The following DMBT1 variants were observed in gnomAD, a reference collection of about 807,000 sequenced individuals.
The protein encoded by DMBT1 is deleted in malignant brain tumors 1.
DMBT1 carries 198 observed loss-of-function variants against 252.9 expected under a neutral mutation model. The ratio of observed to expected loss-of-function variants is 0.78; its 90% CI spans 0.70 to 0.88. The LOEUF (loss-of-function observed/expected upper bound fraction) is 0.88, where lower values mean the gene tolerates loss of function less well. Among genes scored for constraint, DMBT1 ranks in the 40% least tolerant of loss-of-function variants. DMBT1 has a pLI of 0.00. For synonymous variants in DMBT1, 990 were observed against 942.7 expected (o/e 1.05, Z -0.92); for missense variants, 2,432 against 2,404.7 (o/e 1.01, Z -0.24).
At chr10:122,634,456 C>T (rs200204926) in intron 52 of DMBT1, among the ~76,000 whole-genome samples, 44 of 101,706 alleles carry the variant, frequency 4.3e-4, no homozygotes, top group South Asian at 2.9e-3. Flanking sequence ...CTCTCTCTCT[C>T]TCTCTCTCTC....
In DMBT1 at chr10:122,599,111, A is replaced by G; in HGVS notation, c.3280+14A>G. The G allele has an allele frequency of 6.2e-7, 1 of 1,613,838 alleles. No homozygotes were observed. ...TCATCTGCTCAGGTGGGCCTTCAAG[A>G]ACTTGGGATCACTCTCTTGGGGTGG... On this transcript the variant is annotated intron_variant, in intron 26 of 55. Coordinates refer to ENST00000338354, the MANE Select transcript of DMBT1 (RefSeq NM_001377530.1).
intron 51 of DMBT1, 54 bp downstream of exon 51, chr10:122,632,944 T>G: frequency 1.9e-6 from 3 of 1,609,798 alleles, no homozygotes; most frequent in Non-Finnish European, 1.7e-6. Flanking sequence ...GAAATTCCCC[T>G]TCCCATTTCC....
chr10:122,589,809 GA>G (rs1462361142), intron 17 of DMBT1, among the ~76,000 whole-genome samples: 1 of 148,474 alleles, frequency 6.7e-6, no homozygotes, highest in African/African-American at 2.4e-5. Flanking sequence ...GAAACTAAGA[GA>G]AGAACTCACC....
In DMBT1 at chr10:122,621,717, C is replaced by G. The variant is rs574611054; in HGVS notation, c.5608+337C>G. ...GAGGGTATGGTGGACACAGCACAGA[C>G]AGCGGGGCAGAGGAGGGATCCTCTC... is the stretch of plus-strand genomic sequence containing the variant. On this transcript the variant is annotated intron_variant, in intron 44 of 55. Transcript: ENST00000338354. Among the ~76,000 whole-genome samples the G allele has an allele frequency of 3.3e-5, 5 of 152,280 alleles. No individual in the cohort carries two copies. In the East Asian group the frequency reaches 7.7e-4, roughly 24 times the overall value.
Position 122,577,919 on chromosome 10 carries a change from C to G in DMBT1, c.637+79C>G, listed in dbSNP as rs2097727449. Reference sequence around the variant, plus strand: ...CCCTTCCCTACTCCACAGAGCCCTCCTGCTTCTCTGCAGATACTCTGGGGC... The same window carrying G: ...CCCTTCCCTACTCCACAGAGCCCTCGTGCTTCTCTGCAGATACTCTGGGGC... On this transcript the variant is annotated intron_variant, in intron 8 of 55. Coordinates refer to ENST00000338354, the MANE Select transcript of DMBT1 (RefSeq NM_001377530.1). The G allele has an allele frequency of 2.7e-6, 4 of 1,475,886 alleles. No individual in the cohort carries two copies. The South Asian group carries it at 4.7e-5, about 17-fold the overall frequency. 91.4% of individuals were successfully genotyped at this position (1,475,886 alleles called of 1,614,324 possible).
At chr10:122,637,566 T>C (rs1159044269) in intron 54 of DMBT1, among the ~76,000 whole-genome samples, 2 of 152,164 alleles carry the variant, frequency 1.3e-5, no homozygotes, top group Non-Finnish European at 2.9e-5. Flanking sequence ...AGACCGCCAC[T>C]CCCATCAGCA....
intron 44 of DMBT1, among the ~76,000 whole-genome samples, chr10:122,622,399 A>C (rs2098078983): frequency 6.6e-6 from 1 of 152,214 alleles, no homozygotes; most frequent in African/African-American, 2.4e-5. Context: ...AAAGGAATTC[A>C]TTGTCTCAGT....
At position 122,588,941 on chromosome 10, in the gene DMBT1, T is replaced by C. The variant is rs769613142; in HGVS notation, c.1784-3T>C. The C allele has an allele frequency of 6.9e-6, 11 of 1,587,760 alleles. 1 individual carries two copies. The highest frequency in any genetic ancestry group is 1.8e-4 in the Middle Eastern group (1 of 5,470). Reference sequence around the variant, plus strand: ...GATGAAGGGTTCTTGTGTTCTCCTATAGGACCTGAATCCAGTTTGGCCCTG... The same window carrying C: ...GATGAAGGGTTCTTGTGTTCTCCTACAGGACCTGAATCCAGTTTGGCCCTG... On this transcript the variant is annotated splice_region_variant and splice_polypyrimidine_tract_variant and intron_variant, in intron 16 of 55. Transcript: ENST00000338354.
intron 3 of DMBT1, 145 bp from the exon 4 acceptor site, chr10:122,570,745 A>G (rs2097654132): frequency 2.0e-6 from 2 of 1,020,948 alleles, no homozygotes; most frequent in Non-Finnish European, 3.1e-6. Flanking sequence ...TAACACAGTG[A>G]TTGGCACATG....
intron 13 of DMBT1, 61 bp from the exon 14 acceptor site, chr10:122,584,261 T>A: frequency 2.5e-6 from 1 of 402,912 alleles, no homozygotes; most frequent in Non-Finnish European, 4.2e-6. Context: ...TCCTTCCACC[T>A]TTGTTCCGAT....
chr10:122,626,978 G>A (rs2098123228), intron 46 of DMBT1, among the ~76,000 whole-genome samples: 1 of 152,176 alleles, frequency 6.6e-6, no homozygotes, highest in African/African-American at 2.4e-5. Flanking sequence ...AGGGTGGGGT[G>A]CGGGCAAGGA....
intron 4 of DMBT1, among the ~76,000 whole-genome samples, 158 bp from the exon 5 acceptor site, chr10:122,572,156 C>T (rs938085708): frequency 6.6e-6 from 1 of 152,190 alleles, no homozygotes; most frequent in African/African-American, 2.4e-5. Flanking sequence ...GGGACCAGTA[C>T]AGTGACAGAG....
chr10:122,635,336 G>GT (rs2098217891), intron 52 of DMBT1, among the ~76,000 whole-genome samples: 1 of 152,010 alleles, frequency 6.6e-6, no homozygotes, highest in South Asian at 2.1e-4. Context: ...ATTTTATTCT[G>GT]TGGGGGCACT....
intron 1 of DMBT1, among the ~76,000 whole-genome samples, chr10:122,565,609 C>A (rs2097583247): frequency 5.8e-5 from 1 of 17,298 alleles, no homozygotes; most frequent in African/African-American, 1.3e-4. Flanking sequence ...TGGCTGTTGT[C>A]AATGCCAGCT....
rs1314673833 is a variant in DMBT1 at position 122,592,712 on chromosome 10, T to A, written c.2500+117T>A. The A allele has an allele frequency of 4.7e-6, 7 of 1,489,208 alleles. 1 individual carries two copies. Among genetic ancestry groups the A allele is most frequent in the Non-Finnish European group, 6.3e-6 (7 of 1,105,402 alleles). 92.2% of individuals were successfully genotyped at this position (1,489,208 alleles called of 1,614,324 possible). A position where few individuals can be genotyped will look rare whatever the true frequency, so the allele number is the denominator to read the frequency against. On this transcript the variant is annotated intron_variant, in intron 20 of 55. Coordinates refer to ENST00000338354, the MANE Select transcript of DMBT1 (RefSeq NM_001377530.1). ...TTCTTCTATGTTTCCTATATTTATG[T>A]AGTCTTGTTAGCTCTCTGCTAAGGA...
intron 1 of DMBT1, among the ~76,000 whole-genome samples, chr10:122,563,296 G>A (rs3019510): frequency 0.67 from 101,955 of 152,040 alleles, 34,546 homozygotes; most frequent in East Asian, 0.77. Flanking sequence ...AACCCATGCA[G>A]TATCTGGCAC....
At chr10:122,639,049 C>T (rs573377155) in intron 54 of DMBT1, among the ~76,000 whole-genome samples, 1 of 152,342 alleles carries the variant, frequency 6.6e-6, no homozygotes, top group Non-Finnish European at 1.5e-5. Flanking sequence ...TAGGGCTGTG[C>T]CATCCATGGC....
At chr10:122,634,468 C>CTT (rs2098207962) in intron 52 of DMBT1, among the ~76,000 whole-genome samples, 2 of 99,140 alleles carry the variant, frequency 2.0e-5, no homozygotes, top group Admixed American at 1.1e-4. Flanking sequence ...CTCTCTCTCT[C>CTT]TCTCTCTCTC....
Position 122,640,314 on chromosome 10 carries a change from A to C in DMBT1, c.7217A>C (p.Asp2406Ala). Reference protein sequence around the residue: ...YPVTSRPYYVDLNQDLYVQAE... With the variant: ...YPVTSRPYYVALNQDLYVQAE... ...GTGACCAGCCGCCCTTACTACGTGGACCTGAACCAGGACTTGTACGTTCAG... is the reference window on the plus strand; with the variant it reads ...GTGACCAGCCGCCCTTACTACGTGGCCCTGAACCAGGACTTGTACGTTCAG... The change falls in exon 55 of 56, where the codon GAC (aspartate) becomes GCC (alanine). Residue 2406 changes from aspartate (D) to alanine (A), a missense_variant. Asp to Ala is a moderately radical substitution (Grantham distance 126, BLOSUM62 -2). Around this residue, in one of 3 missense-constraint regions of DMBT1, gnomAD observed 1,162 missense variants for 1,169.0 expected, o/e 0.99. Coordinates refer to ENST00000338354, the MANE Select transcript of DMBT1 (RefSeq NM_001377530.1). 6.2e-7 allele frequency: 1 copy of C among 1,613,976 alleles called. No homozygotes were observed. The highest frequency in any genetic ancestry group is 8.5e-7 in the Non-Finnish European group (1 of 1,179,900).
Sources: allele counts gnomAD v4.1 joint callset (sites outside exome capture counted in the v4.1 genomes callset), GRCh38; gene constraint gnomAD v4.1.1; regional missense constraint gnomAD v4.1.1; transcripts MANE v1.5; gene names NCBI Gene and HGNC (gene_info 2026-07-23, HGNC 2026-07-21).